Variants in ATP13A4 observed in about 807,000 individuals in gnomAD.
ATP13A4 encodes probable cation-transporting ATPase 13A4.
A neutral mutation model predicts 142.5 loss-of-function variants in ATP13A4; 114 were observed. The ratio of observed to expected loss-of-function variants is 0.80; its 90% CI spans 0.69 to 0.93. The LOEUF is 0.93. ATP13A4 is among the 40% of genes least tolerant of loss of function. ATP13A4 has a pLI of 0.00. For missense variants in ATP13A4, 1,392 were observed against 1,454.0 expected (o/e 0.96, Z 0.69); for synonymous variants, 488 against 514.8 (o/e 0.95, Z 0.70).
At position 193,400,927 on chromosome 3, in the gene ATP13A4, A is replaced by C. The variant is rs1430058090; in HGVS notation, c.*1725T>G. 2.0e-5 allele frequency among the ~76,000 whole-genome samples: 3 copies of C among 152,178 alleles called. No individual in the cohort carries two copies. In the East Asian group the frequency reaches 5.8e-4, roughly 29 times the overall value. On this transcript the variant is annotated 3_prime_UTR_variant, in exon 30 of 30. Transcript: ENST00000342695. ...TATCATTGCTGAGGCTGGCTTTGCA[A>C]AAGGAAACATTTCTTTCTGTACCAA...
At chr3:193,585,430 T>TAACAAC (rs368723108) in intron 1 of ATP13A4, among the ~76,000 whole-genome samples, 4 of 151,306 alleles carry the variant, frequency 2.6e-5, no homozygotes, top group Admixed American at 6.6e-5. Context: ...CAAAAGAAAA[T>TAACAAC]AACAACAACA....
In ATP13A4 at chr3:193,441,454, C is replaced by T; in HGVS notation, c.2439+12G>A. On this transcript the variant is annotated intron_variant, in intron 20 of 29. Coordinates refer to ENST00000342695, the MANE Select transcript of ATP13A4 (RefSeq NM_032279.4). ...ATTTTCATAGGGAGATTGTCACCCT[C>T]TTAGAACTTACCTTTGGCAGTAGGC... 6.2e-7 allele frequency: 1 copy of T among 1,613,714 alleles called. No individual in the cohort carries two copies. The highest frequency in any genetic ancestry group is 8.5e-7 in the Non-Finnish European group (1 of 1,179,714).
intron 26 of ATP13A4, 48 bp from the exon 27 acceptor site, chr3:193,412,419 T>G (rs1315281387): frequency 6.4e-7 from 1 of 1,552,222 alleles, no homozygotes; most frequent in Non-Finnish European, 8.9e-7. Context: ...TGCAAGGCTT[T>G]ATGGAGCATT....
At chr3:193,456,191 T>A (rs1717600138) in intron 16 of ATP13A4, among the ~76,000 whole-genome samples, 1 of 151,562 alleles carries the variant, frequency 6.6e-6, no homozygotes. Context: ...AAAAAAGGAG[T>A]GAAATTGAAA....
intron 18 of ATP13A4, among the ~76,000 whole-genome samples, chr3:193,445,146 G>A (rs1716870297): frequency 6.6e-6 from 1 of 152,182 alleles, no homozygotes; most frequent in Non-Finnish European, 1.5e-5. Flanking sequence ...TTAAAAATAA[G>A]GAGAGCACTG....
chr3:193,524,587 A>G (rs1251994380), intron 1 of ATP13A4, among the ~76,000 whole-genome samples: 1 of 152,244 alleles, frequency 6.6e-6, no homozygotes, highest in Non-Finnish European at 1.5e-5. Flanking sequence ...CTCAGTGTAA[A>G]GACTCAAGCG....
chr3:193,559,710 C>T (rs1377261621), upstream of ATP13A4, among the ~76,000 whole-genome samples: 1 of 152,194 alleles, frequency 6.6e-6, no homozygotes, highest in Non-Finnish European at 1.5e-5. Context: ...TCTCAAATAT[C>T]CCCGTTCAGC....
chr3:193,578,323 A>C (rs1724453398), intron 2 of ATP13A4, among the ~76,000 whole-genome samples: 1 of 151,522 alleles, frequency 6.6e-6, no homozygotes, highest in Non-Finnish European at 1.5e-5. Flanking sequence ...CTATATCTAT[A>C]TCTATATCTA....
intron 10 of ATP13A4, among the ~76,000 whole-genome samples, chr3:193,466,701 G>A (rs1718308968): frequency 1.3e-5 from 2 of 152,128 alleles, no homozygotes; most frequent in Non-Finnish European, 2.9e-5. Flanking sequence ...TGAATTGTGT[G>A]GCCTCAGCCT....
intron 1 of ATP13A4, among the ~76,000 whole-genome samples, chr3:193,592,302 G>A (rs1285435481): frequency 6.6e-6 from 1 of 152,142 alleles, no homozygotes; most frequent in Admixed American, 6.5e-5. Flanking sequence ...GTTTGTGTTG[G>A]AAGGGGAAAG....
At chr3:193,471,116 C>T (rs1410468450) in intron 8 of ATP13A4, 123 bp from the exon 9 acceptor site, 11 of 1,229,342 alleles carry the variant, frequency 8.9e-6, no homozygotes, top group Non-Finnish European at 1.3e-5. Context: ...GAAAGGAGAA[C>T]ATTCCTCAAC....
In ATP13A4 at chr3:193,483,978, C is replaced by T. The variant is rs768387430; in HGVS notation, c.766G>A (p.Glu256Lys). Reference sequence around the variant, plus strand: ...GAGACCGTAATGCTATTATGTGACTCGACGAGATGGTGGAGTTTTACAGAT... The same window carrying T: ...GAGACCGTAATGCTATTATGTGACTTGACGAGATGGTGGAGTTTTACAGAT... ...EQSVKLHHLVESHNSITVSVC... is the reference protein window; with the variant it reads ...EQSVKLHHLVKSHNSITVSVC... Residue 256 changes from glutamate (E) to lysine (K), a missense_variant, in exon 8 of 30, where the codon GAG (glutamate) becomes AAG (lysine). Coordinates refer to ENST00000342695, the MANE Select transcript of ATP13A4 (RefSeq NM_032279.4). The T allele has an allele frequency of 1.2e-6, 2 of 1,610,008 alleles. No individual in the cohort carries two copies. The highest frequency in any genetic ancestry group is 1.7e-6 in the Non-Finnish European group (2 of 1,176,606).
chr3:193,437,934 C>T (rs530949648), intron 23 of ATP13A4, among the ~76,000 whole-genome samples: 1 of 150,578 alleles, frequency 6.6e-6, no homozygotes, highest in African/African-American at 2.4e-5. Context: ...CAGGTTCACA[C>T]CATTCTCCTG....
At chr3:193,589,196 GTA>G (rs1284340419) in intron 1 of ATP13A4, among the ~76,000 whole-genome samples, 3 of 152,056 alleles carry the variant, frequency 2.0e-5, no homozygotes, top group Non-Finnish European at 4.4e-5. Context: ...GTGTGTGTGT[GTA>G]TATAATTTGT....
At chr3:193,453,431 C>T (rs986557580) in intron 17 of ATP13A4, among the ~76,000 whole-genome samples, 2 of 151,754 alleles carry the variant, frequency 1.3e-5, no homozygotes, top group Non-Finnish European at 2.9e-5. Context: ...TTAGAAATGA[C>T]ATGAAAGGTG....
At chr3:193,406,986 A>C (rs1182680155) in intron 29 of ATP13A4, among the ~76,000 whole-genome samples, 1 of 152,198 alleles carries the variant, frequency 6.6e-6, no homozygotes. Flanking sequence ...TGTGGACTTT[A>C]AAAGGGTGAA....
At chr3:193,497,915 G>A (rs1005272441) in intron 3 of ATP13A4, among the ~76,000 whole-genome samples, 3 of 152,136 alleles carry the variant, frequency 2.0e-5, no homozygotes, top group Non-Finnish European at 2.9e-5. Context: ...AGGTTGGGGG[G>A]AATAGCATAG....
At chr3:193,483,087 A>G (rs767637977) in intron 8 of ATP13A4, among the ~76,000 whole-genome samples, 1 of 152,234 alleles carries the variant, frequency 6.6e-6, no homozygotes, top group Non-Finnish European at 1.5e-5. Flanking sequence ...CACTTAAAAA[A>G]ATGGATAAAT....
intron 25 of ATP13A4, among the ~76,000 whole-genome samples, chr3:193,418,745 C>CA (rs1216274112): frequency 1.3e-5 from 2 of 149,972 alleles, no homozygotes; most frequent in African/African-American, 2.5e-5. Flanking sequence ...GAGTAGAAGC[C>CA]AACAGTGTGC....
Sources: gnomAD v4.1 joint callset for allele counts (sites outside exome capture counted in the v4.1 genomes callset) on GRCh38, gnomAD v4.1.1 for gene constraint, MANE v1.5 for transcripts, NCBI Gene and HGNC (gene_info 2026-07-23, HGNC 2026-07-21) for gene names.